JADE3: variants seen among roughly 807,000 people sequenced by gnomAD.
JADE3 encodes protein Jade-3.
A neutral mutation model predicts 50.1 loss-of-function variants in JADE3; 2 were observed. The ratio of observed to expected loss-of-function variants is 0.04; its 90% CI spans 0.02 to 0.13. The LOEUF is 0.13. Ranked by LOEUF, JADE3 falls within the 10% of genes least tolerant of loss-of-function variation. The pLI, the probability that JADE3 is intolerant of heterozygous loss-of-function variation, is 1.00. For missense variants in JADE3, 475 were observed against 634.4 expected (o/e 0.75, Z 2.70); for synonymous variants, 218 against 232.9 (o/e 0.94, Z 0.58).
At chrX:46,942,417 C>T (rs556883339) in intron 1 of JADE3, among the ~76,000 whole-genome samples, 1 of 111,985 alleles carries the variant, frequency 8.9e-6, no homozygotes, top group Admixed American at 9.5e-5. Flanking sequence ...TCAGTTTCTT[C>T]GGCATATGGC....
At chrX:47,004,635 G>T (rs1928369068) in intron 4 of JADE3, among the ~76,000 whole-genome samples, 1 of 111,962 alleles carries the variant, frequency 8.9e-6, no homozygotes, top group Admixed American at 9.4e-5. Flanking sequence ...GTCTTCCTAT[G>T]TTGGCCAGTC....
Position 47,056,209 on chromosome X carries a change from A to G in JADE3, c.1561+10A>G. ...CAAGAAATTGATGCAGGTAACCTGT[A>G]TATTTAAAATGTCCTAACAAATATG... On this transcript the variant is annotated intron_variant, in intron 10 of 10. Transcript: ENST00000614628. The G allele has an allele frequency of 1.0e-6, 1 of 973,999 alleles. No individual in the cohort carries two copies. Among genetic ancestry groups the G allele is most frequent in the East Asian group, 3.1e-5 (1 of 32,693 alleles). 80.3% of individuals were successfully genotyped at this position (973,999 alleles called of 1,213,427 possible). A position where few individuals can be genotyped will look rare whatever the true frequency, so the allele number is the denominator to read the frequency against.
chrX:47,056,444 C>T (rs1221070954), intron 10 of JADE3, among the ~76,000 whole-genome samples: 1 of 111,484 alleles, frequency 9.0e-6, no homozygotes, highest in African/African-American at 3.3e-5. Flanking sequence ...AGGTCCCAAA[C>T]AGATATTCGA....
chrX:46,920,714 A>T (rs144564449), intron 1 of JADE3, among the ~76,000 whole-genome samples: 2 of 112,725 alleles, frequency 1.8e-5, no homozygotes, highest in African/African-American at 6.4e-5. Flanking sequence ...CCACTTGTTG[A>T]AAAGACTACC....
intron 1 of JADE3, among the ~76,000 whole-genome samples, chrX:46,964,258 G>A (rs995120574): frequency 8.9e-6 from 1 of 111,757 alleles, no homozygotes; most frequent in African/African-American, 3.3e-5. Context: ...TCTTCTCCTC[G>A]GGAGGTAGGA....
At chrX:46,964,138 C>G (rs1927320248) in intron 1 of JADE3, among the ~76,000 whole-genome samples, 1 of 111,967 alleles carries the variant, frequency 8.9e-6, no homozygotes, top group African/African-American at 3.2e-5. Flanking sequence ...TGCTCTGAGA[C>G]CTGGATGTGT....
rs782697991 is a variant in JADE3 at position 47,022,529 on chromosome X, C to T, written c.285-2195C>T. Among the ~76,000 whole-genome samples the T allele has an allele frequency of 4.5e-5, 5 of 111,684 alleles. No individual in the cohort carries two copies. The South Asian group carries it at 1.9e-3, about 42-fold the overall frequency. On this transcript the variant is annotated intron_variant, in intron 4 of 10. Coordinates refer to ENST00000614628, the MANE Select transcript of JADE3 (RefSeq NM_014735.5). Reference sequence around the variant, plus strand: ...TCTACATTTATAGGGTGGACTATGCCTGTATATATTTTATGTTTATTCATT... The same window carrying T: ...TCTACATTTATAGGGTGGACTATGCTTGTATATATTTTATGTTTATTCATT...
intron 7 of JADE3, among the ~76,000 whole-genome samples, chrX:47,034,621 A>G (rs782706401): frequency 9.2e-6 from 1 of 109,204 alleles, no homozygotes; most frequent in East Asian, 2.8e-4. Context: ...TATTTTTGAG[A>G]CAGAGTCTCG....
intron 3 of JADE3, among the ~76,000 whole-genome samples, chrX:46,986,941 C>G (rs781962990): frequency 1.9e-4 from 21 of 112,483 alleles, no homozygotes; most frequent in African/African-American, 6.8e-4. Flanking sequence ...CAAATTATCA[C>G]AAAATTCGTG....
intron 8 of JADE3, among the ~76,000 whole-genome samples, chrX:47,049,424 C>T (rs1249383738): frequency 9.2e-6 from 1 of 108,805 alleles, no homozygotes; most frequent in Non-Finnish European, 1.9e-5. Context: ...CCTCAGCCTC[C>T]CAAAATGCTG....
chrX:46,995,196 A>G (rs1928097812), intron 3 of JADE3, among the ~76,000 whole-genome samples: 1 of 109,206 alleles, frequency 9.2e-6, no homozygotes, highest in African/African-American at 3.3e-5. Flanking sequence ...CACCCAGCTA[A>G]TTTTTTGTAT....
chrX:46,922,064 C>A (rs1926233665), intron 1 of JADE3, among the ~76,000 whole-genome samples: 1 of 108,443 alleles, frequency 9.2e-6, no homozygotes, highest in Non-Finnish European at 1.9e-5. Flanking sequence ...TGCTATCCCT[C>A]CCCCAGTCCC....
intron 3 of JADE3, among the ~76,000 whole-genome samples, chrX:46,997,509 C>A (rs782650416): frequency 1.8e-5 from 2 of 111,257 alleles, no homozygotes; most frequent in Admixed American, 9.6e-5. Flanking sequence ...CATAGTGAGA[C>A]CCTGTCTCAA....
intron 1 of JADE3, among the ~76,000 whole-genome samples, chrX:46,924,500 A>C (rs1451707183): frequency 8.9e-6 from 1 of 112,261 alleles, no homozygotes; most frequent in African/African-American, 3.2e-5. Flanking sequence ...TCTTTTAGTG[A>C]GAGTGGAGAT....
intron 4 of JADE3, among the ~76,000 whole-genome samples, chrX:47,007,686 G>C (rs1243254241): frequency 1.8e-5 from 2 of 110,632 alleles, no homozygotes; most frequent in Non-Finnish European, 3.8e-5. Flanking sequence ...GTTTTATTTA[G>C]ACAGCATATA....
intron 4 of JADE3, among the ~76,000 whole-genome samples, chrX:47,019,407 T>C (rs1055456701): frequency 1.8e-5 from 2 of 110,893 alleles, no homozygotes; most frequent in Non-Finnish European, 3.8e-5. Flanking sequence ...TGTTTAGAGA[T>C]AGGGTCGCAC....
At chrX:47,055,628 G>T (rs1929618515) in intron 9 of JADE3, among the ~76,000 whole-genome samples, 1 of 111,943 alleles carries the variant, frequency 8.9e-6, no homozygotes, top group Non-Finnish European at 1.9e-5. Flanking sequence ...GTGGAAACTT[G>T]GTTGAGCTGA....
intron 1 of JADE3, among the ~76,000 whole-genome samples, chrX:46,933,690 G>A (rs1926545157): frequency 9.0e-6 from 1 of 111,364 alleles, no homozygotes; most frequent in Admixed American, 9.6e-5. Flanking sequence ...AGGTGGAGTG[G>A]ATTGAGAACA....
At chrX:46,948,321 T>C (rs1556343989) in intron 1 of JADE3, among the ~76,000 whole-genome samples, 1 of 112,431 alleles carries the variant, frequency 8.9e-6, no homozygotes, top group Non-Finnish European at 1.9e-5. Context: ...TGTCCTGGAA[T>C]TATGTGGATA....
Sources: gnomAD v4.1 joint callset for allele counts (sites outside exome capture counted in the v4.1 genomes callset) on GRCh38, gnomAD v4.1.1 for gene constraint, MANE v1.5 for transcripts, NCBI Gene and HGNC (gene_info 2026-07-23, HGNC 2026-07-21) for gene names.